TDRD12: variants seen among roughly 807,000 people sequenced by gnomAD.
The protein encoded by TDRD12 is putative ATP-dependent RNA helicase TDRD12.
In TDRD12, 158 loss-of-function variants were observed where a neutral mutation model predicts 133.5. The ratio of observed to expected loss-of-function variants is 1.18; its 90% CI spans 1.04 to 1.35. The LOEUF is 1.35. Among genes scored for constraint, TDRD12 ranks in the 40% most tolerant of loss-of-function variants. The probability of loss-of-function intolerance (pLI) is 0.00; values close to 1 mark genes in which losing one functional copy is unlikely to be tolerated. For synonymous variants in TDRD12, 460 were observed against 477.9 expected (o/e 0.96, Z 0.49); for missense variants, 1,443 against 1,321.3 (o/e 1.09, Z -1.43).
intron 8 of TDRD12, among the ~76,000 whole-genome samples, chr19:32,764,818 C>T (rs577131220): frequency 2.0e-5 from 3 of 152,174 alleles, no homozygotes; most frequent in African/African-American, 7.2e-5. Flanking sequence ...TTTATGTCCT[C>T]TAGGCATGGG....
At chr19:32,790,996 G>T (rs1217184795) in exon 13 of TDRD12, 2 of 1,535,972 alleles carry the variant, frequency 1.3e-6, no homozygotes, top group Non-Finnish European at 1.7e-6. Flanking sequence ...AGCCGCCCGT[G>T]GTAGTGCTCC....
exon 5 of TDRD12, chr19:32,748,529 A>C (rs1275111494): frequency 6.4e-7 from 1 of 1,551,428 alleles, no homozygotes; most frequent in Non-Finnish European, 8.7e-7. Flanking sequence ...AACCTTCTGA[A>C]AGGTAAGCCA....
intron 1 of TDRD12, among the ~76,000 whole-genome samples, chr19:32,731,212 A>G (rs1969039977): frequency 6.6e-6 from 1 of 151,758 alleles, no homozygotes; most frequent in Non-Finnish European, 1.5e-5. Context: ...TATTTTTTTT[A>G]TTATGAGCAG....
intron 1 of TDRD12, among the ~76,000 whole-genome samples, chr19:32,724,529 C>T (rs1968797111): frequency 6.6e-6 from 1 of 152,146 alleles, no homozygotes; most frequent in Non-Finnish European, 1.5e-5. Flanking sequence ...CCAGCTTCAT[C>T]CATGTCCCTG....
intron 25 of TDRD12, among the ~76,000 whole-genome samples, chr19:32,814,308 C>T (rs1476307957): frequency 6.6e-6 from 1 of 152,174 alleles, no homozygotes; most frequent in Non-Finnish European, 1.5e-5. Context: ...GCACCACCCT[C>T]CCTGCTTGTT....
intron 18 of TDRD12, among the ~76,000 whole-genome samples, chr19:32,801,303 G>GTTT (rs973415532): frequency 5.3e-5 from 8 of 152,044 alleles, no homozygotes; most frequent in African/African-American, 1.9e-4. Context: ...GATTTATTCA[G>GTTT]TTTTATTTTG....
At chr19:32,802,417 T>C (rs1307339310) in intron 19 of TDRD12, among the ~76,000 whole-genome samples, 2 of 151,640 alleles carry the variant, frequency 1.3e-5, no homozygotes, top group African/African-American at 4.8e-5. Context: ...GAAAAACATA[T>C]GGGCCGCTTG....
chr19:32,722,523 C>T (rs999048867), intron 1 of TDRD12, among the ~76,000 whole-genome samples: 5 of 152,052 alleles, frequency 3.3e-5, no homozygotes, highest in African/African-American at 1.2e-4. Context: ...ATATTTTTCC[C>T]TCCATGTATC....
exon 21 of TDRD12, chr19:32,802,986 C>G (rs572487392): frequency 6.5e-7 from 1 of 1,535,960 alleles, no homozygotes; most frequent in South Asian, 1.2e-5. Flanking sequence ...GAGAAAGATG[C>G]GAGCCATGCG....
At chr19:32,765,029 A>G (rs1970256152) in intron 8 of TDRD12, among the ~76,000 whole-genome samples, 1 of 152,256 alleles carries the variant, frequency 6.6e-6, no homozygotes, top group Admixed American at 6.5e-5. Context: ...AATGAACTCA[A>G]ACAAATTTAC....
chr19:32,773,418 C>G (rs1220817122), intron 9 of TDRD12, 38 bp from the exon 10 acceptor site: 1 of 1,508,738 alleles, frequency 6.6e-7, no homozygotes, highest in Admixed American at 2.0e-5. Context: ...ATGTTGCTAG[C>G]ATACACATTC....
chr19:32,827,357 T>TTTTTCTTTTCTTTTC lies in TDRD12; in HGVS notation c.*196_*210dup, dbSNP rs1359617210. On this transcript the variant is annotated 3_prime_UTR_variant, in exon 10 of 10. Transcript: ENST00000637289. The stretch of plus-strand genomic sequence containing the variant: ...GAAAACAGTCAGTCATAACCAAATC[T>TTTTTCTTTTCTTTTC]TTTTCTTTTCTTTTCTTTTTTTTTT... The TTTTTCTTTTCTTTTC allele has an allele frequency of 9.1e-5, 33 of 363,810 alleles. 2 individuals are homozygous for TTTTTCTTTTCTTTTC. Among genetic ancestry groups the TTTTTCTTTTCTTTTC allele is most frequent in the African/African-American group, 8.7e-4 (26 of 29,742 alleles). 22.5% of individuals were successfully genotyped at this position (363,810 alleles called of 1,614,324 possible).
intron 4 of TDRD12, among the ~76,000 whole-genome samples, chr19:32,744,028 CAAA>C (rs1046198554): frequency 3.7e-5 from 3 of 80,436 alleles, no homozygotes; most frequent in Non-Finnish European, 2.5e-5. Context: ...AACTCCATCT[CAAA>C]AAAAAAAAAA....
At chr19:32,751,787 G>T (rs1198716118) in intron 6 of TDRD12, among the ~76,000 whole-genome samples, 3 of 152,024 alleles carry the variant, frequency 2.0e-5, no homozygotes, top group African/African-American at 7.2e-5. Context: ...TCAACAGGCA[G>T]TCTTCTCGCC....
At chr19:32,820,955 A>T (rs1967362156) in intron 27 of TDRD12, 78 bp from the exon 28 acceptor site, 2 of 1,208,024 alleles carry the variant, frequency 1.7e-6, no homozygotes, top group East Asian at 5.1e-5. Flanking sequence ...CTTCACGGTC[A>T]TTTATTGCCT....
chr19:32,745,157 C>A (rs1405538889), intron 4 of TDRD12, among the ~76,000 whole-genome samples: 1 of 152,212 alleles, frequency 6.6e-6, no homozygotes, highest in African/African-American at 2.4e-5. Flanking sequence ...TCTTTCAGAG[C>A]GGCCCACTGC....
intron 2 of TDRD12, among the ~76,000 whole-genome samples, chr19:32,732,231 C>T (rs1048893789): frequency 2.6e-5 from 4 of 152,290 alleles, no homozygotes; most frequent in African/African-American, 9.6e-5. Flanking sequence ...TCTCGAACTC[C>T]AGACCTCAGG....
At chr19:32,822,123 AAAAAACAAAAAC>A (rs200513431), downstream of TDRD12, among the ~76,000 whole-genome samples, 2 of 152,102 alleles carry the variant, frequency 1.3e-5, no homozygotes, top group East Asian at 1.9e-4. Context: ...TATAAAAAAC[AAAAAACAAAAAC>A]AAAAACAAAA....
chr19:32,742,255 C>A (rs1390624926), intron 3 of TDRD12, among the ~76,000 whole-genome samples: 1 of 151,678 alleles, frequency 6.6e-6, no homozygotes, highest in African/African-American at 2.4e-5. Context: ...CTCCCAGGTT[C>A]AAGCAATTCT....
Sources: allele counts gnomAD v4.1 joint callset (sites outside exome capture counted in the v4.1 genomes callset), GRCh38; gene constraint gnomAD v4.1.1; transcripts MANE v1.5; gene names NCBI Gene and HGNC (gene_info 2026-07-23, HGNC 2026-07-21).